CCDC91: variants seen among roughly 807,000 people sequenced by gnomAD.
CCDC91 encodes the protein coiled-coil domain-containing protein 91.
In CCDC91, 48 loss-of-function variants were observed where a neutral mutation model predicts 63.2. The observed-to-expected ratio is 0.76, with a 90% CI of 0.60 to 0.97. The LOEUF is 0.97. Ranked by LOEUF, CCDC91 falls within the 50% of genes least tolerant of loss-of-function variation. The probability of loss-of-function intolerance (pLI) is 0.00; values close to 1 mark genes in which losing one functional copy is unlikely to be tolerated. For synonymous variants in CCDC91, 167 were observed against 165.8 expected, an observed-to-expected ratio of 1.01 and a Z score of -0.06; for missense variants, 500 against 494.6, an observed-to-expected ratio of 1.01 and a Z score of -0.10.
chr12:28,301,429 C>T (rs1565759732), intron 3 of CCDC91, among the ~76,000 whole-genome samples: 1 of 151,416 alleles, frequency 6.6e-6, no homozygotes, highest in Non-Finnish European at 1.5e-5. Context: ...TGGTTCATTA[C>T]ATATCATTTT....
intron 12 of CCDC91, among the ~76,000 whole-genome samples, chr12:28,518,043 G>C (rs1230073891): frequency 6.6e-6 from 1 of 151,902 alleles, no homozygotes; most frequent in Admixed American, 6.6e-5. Context: ...TGATTGATGG[G>C]TTCCTGATGG....
rs74345501 is a variant in CCDC91 at position 28,505,295 on chromosome 12, T to G, written c.1215+21130T>G. The G allele has an allele frequency of 3.0e-4, 46 of 152,014 alleles. No individual in the cohort carries two copies. The East Asian group carries it at 7.6e-3, about 25-fold the overall frequency. 9.4% of individuals were successfully genotyped at this position (152,014 alleles called of 1,614,324 possible). A position where few individuals can be genotyped will look rare whatever the true frequency, so the allele number is the denominator to read the frequency against. On this transcript the variant is annotated intron_variant, in intron 12 of 12. Coordinates refer to ENST00000536442, the MANE Select transcript of CCDC91 (RefSeq NM_018318.5). ...ACTGAAATCCCATCTTACTGGCTTC[T>G]TCTTATTGCTACCTACCGGAGAGAG...
At chr12:28,401,317 A>G (rs1946608927) in intron 8 of CCDC91, among the ~76,000 whole-genome samples, 2 of 152,160 alleles carry the variant, frequency 1.3e-5, no homozygotes, top group African/African-American at 2.4e-5. Context: ...GTGCCAAGAA[A>G]AAGTGGGAAA....
intron 8 of CCDC91, among the ~76,000 whole-genome samples, chr12:28,434,121 G>A (rs1347796237): frequency 6.6e-6 from 1 of 151,674 alleles, no homozygotes; most frequent in Non-Finnish European, 1.5e-5. Context: ...TATATAGACA[G>A]TCATGTCTTT....
intron 12 of CCDC91, among the ~76,000 whole-genome samples, chr12:28,524,846 T>C (rs939317152): frequency 1.3e-5 from 2 of 152,146 alleles, no homozygotes; most frequent in African/African-American, 4.8e-5. Flanking sequence ...TTTCCAGGAA[T>C]TTATCCATCT....
At chr12:28,294,576 T>A (rs1477518802) in intron 3 of CCDC91, among the ~76,000 whole-genome samples, 3 of 152,026 alleles carry the variant, frequency 2.0e-5, no homozygotes, top group Non-Finnish European at 2.9e-5. Context: ...GTGAGTCAGT[T>A]AAACCTGCTT....
intron 1 of CCDC91, among the ~76,000 whole-genome samples, chr12:28,196,471 C>T (rs1591940280): frequency 6.6e-6 from 1 of 152,138 alleles, no homozygotes; most frequent in East Asian, 1.9e-4. Flanking sequence ...CTGGCTAGGA[C>T]CTTTGCTAAT....
At chr12:28,360,444 G>T (rs1481018594) in intron 6 of CCDC91, among the ~76,000 whole-genome samples, 1 of 152,112 alleles carries the variant, frequency 6.6e-6, no homozygotes, top group African/African-American at 2.4e-5. Context: ...GCTGGCAGAG[G>T]CAGTGCCAGT....
At chr12:28,408,758 T>A (rs1947130919) in intron 8 of CCDC91, among the ~76,000 whole-genome samples, 1 of 152,130 alleles carries the variant, frequency 6.6e-6, no homozygotes, top group African/African-American at 2.4e-5. Flanking sequence ...TTCTCTTGCC[T>A]CAGCTTCCCA....
intron 3 of CCDC91, chr12:28,302,511 C>T (rs1938185040): frequency 7.8e-6 from 3 of 382,448 alleles, no homozygotes; most frequent in Admixed American, 1.3e-4. Flanking sequence ...CCTAAGGCTG[C>T]ATAATGCATA....
At position 28,321,977 on chromosome 12, in the gene CCDC91, G is replaced by A. The variant is rs1284795647; in HGVS notation, c.576+14228G>A. On this transcript the variant is annotated intron_variant, in intron 6 of 12. Transcript: ENST00000536442. ...ATATCACTATAGTGATATACATGTA[G>A]TGATGTAATACACTATAGCTTTAAT... 4.6e-5 allele frequency among the ~76,000 whole-genome samples: 7 copies of A among 151,556 alleles called. No homozygotes were observed. The Admixed American group carries it at 4.6e-4, about 10-fold the overall frequency.
intron 8 of CCDC91, among the ~76,000 whole-genome samples, chr12:28,416,470 C>T (rs1947668193): frequency 6.6e-6 from 1 of 151,932 alleles, no homozygotes; most frequent in South Asian, 2.1e-4. Context: ...TAGGCTCAAC[C>T]CTGAATACAG....
At chr12:28,393,905 A>G (rs1946106739) in intron 8 of CCDC91, among the ~76,000 whole-genome samples, 1 of 152,238 alleles carries the variant, frequency 6.6e-6, no homozygotes, top group African/African-American at 2.4e-5. Context: ...TAACACATGA[A>G]AATCAGTGTG....
At chr12:28,255,620 A>G (rs1946396068) in intron 1 of CCDC91, 1 of 152,126 alleles carries the variant, frequency 6.6e-6, no homozygotes, top group Non-Finnish European at 1.5e-5. Context: ...TAATTTTTGG[A>G]GAAATACATT....
chr12:28,412,921 C>A, intron 8 of CCDC91: 1 of 375,736 alleles, frequency 2.7e-6, no homozygotes, highest in South Asian at 2.0e-5. Context: ...CCTCTCAATT[C>A]CACCAGGAAG....
At chr12:28,404,961 G>A (rs1424523167) in intron 8 of CCDC91, among the ~76,000 whole-genome samples, 1 of 151,948 alleles carries the variant, frequency 6.6e-6, no homozygotes, top group Non-Finnish European at 1.5e-5. Context: ...TTTAATTGGT[G>A]TTTTTAGACC....
intron 1 of CCDC91, among the ~76,000 whole-genome samples, chr12:28,238,202 T>C (rs1945093587): frequency 6.6e-6 from 1 of 152,166 alleles, no homozygotes; most frequent in Admixed American, 6.6e-5. Flanking sequence ...ATCTGTTCTA[T>C]ATAATAACTT....
intron 8 of CCDC91, among the ~76,000 whole-genome samples, chr12:28,412,490 C>G (rs556658995): frequency 1.7e-4 from 26 of 152,278 alleles, no homozygotes; most frequent in Non-Finnish European, 2.9e-4. Context: ...ACTCACCATT[C>G]TGTGTCTGGA....
chr12:28,231,451 G>T (rs1186454157), intron 1 of CCDC91, among the ~76,000 whole-genome samples: 3 of 152,164 alleles, frequency 2.0e-5, no homozygotes, highest in African/African-American at 7.2e-5. Context: ...AGTACAGCTT[G>T]TTCCTGTTCA....
Sources: allele counts gnomAD v4.1 joint callset (sites outside exome capture counted in the v4.1 genomes callset), GRCh38; gene constraint gnomAD v4.1.1; transcripts MANE v1.5; gene names NCBI Gene and HGNC (gene_info 2026-07-23, HGNC 2026-07-21).